The following WDR7 variants were observed in gnomAD, a reference collection of about 807,000 sequenced individuals.
WDR7 encodes WD repeat-containing protein 7.
Under a neutral mutation model 169.4 loss-of-function variants are expected in WDR7, and 46 were observed. The ratio of observed to expected loss-of-function variants is 0.27; its 90% confidence interval spans 0.21 to 0.35. WDR7 has a LOEUF of 0.35. Ranked by LOEUF, WDR7 falls within the 10% of genes least tolerant of loss-of-function variation. WDR7 has a pLI of 1.00. For missense variants in WDR7, 1,534 were observed against 1,859.3 expected (o/e 0.83, Z 3.22); for synonymous variants, 612 against 666.8 (o/e 0.92, Z 1.27).
intron 20 of WDR7, among the ~76,000 whole-genome samples, chr18:56,869,730 CTT>C (rs2045928590): frequency 1.3e-5 from 2 of 152,244 alleles, no homozygotes; most frequent in South Asian, 4.1e-4. Flanking sequence ...AACTTAAAAA[CTT>C]TATTTTATTT....
intron 14 of WDR7, among the ~76,000 whole-genome samples, chr18:56,732,511 A>C (rs949029999): frequency 1.3e-5 from 2 of 152,222 alleles, no homozygotes; most frequent in Non-Finnish European, 2.9e-5. Context: ...CTTGAAAATT[A>C]ACCATGAGTT....
At chr18:56,929,878 A>T (rs2046857199) in intron 22 of WDR7, among the ~76,000 whole-genome samples, 1 of 152,150 alleles carries the variant, frequency 6.6e-6, no homozygotes, top group Non-Finnish European at 1.5e-5. Context: ...GTACATATTG[A>T]TTGATAACAT....
At chr18:56,740,129 A>C (rs1323155296) in intron 14 of WDR7, among the ~76,000 whole-genome samples, 1 of 151,688 alleles carries the variant, frequency 6.6e-6, no homozygotes, top group Non-Finnish European at 1.5e-5. Context: ...TCTGTGTTTC[A>C]ATGTATATAT....
chr18:56,937,681 A>G (rs2046978489), intron 23 of WDR7, among the ~76,000 whole-genome samples: 2 of 152,198 alleles, frequency 1.3e-5, no homozygotes, highest in Admixed American at 1.3e-4. Flanking sequence ...ACTTAATTGT[A>G]AAGCACTTAG....
chr18:56,853,032 A>C (rs1281300409), intron 20 of WDR7, among the ~76,000 whole-genome samples: 1 of 152,190 alleles, frequency 6.6e-6, no homozygotes, highest in Non-Finnish European at 1.5e-5. Flanking sequence ...ATTGTTTAAG[A>C]GGAAATGAAG....
intron 19 of WDR7, among the ~76,000 whole-genome samples, chr18:56,810,113 C>G (rs981794448): frequency 3.9e-5 from 6 of 152,260 alleles, no homozygotes; most frequent in Middle Eastern, 3.4e-3. Context: ...ATTATTCCTT[C>G]TTTTGCAGAT....
intron 20 of WDR7, among the ~76,000 whole-genome samples, chr18:56,818,438 T>C (rs2045022904): frequency 6.6e-6 from 1 of 152,242 alleles, no homozygotes; most frequent in Non-Finnish European, 1.5e-5. Context: ...TTTTAATCTG[T>C]AAGTTTGGTT....
At chr18:56,681,429 T>A in intron 4 of WDR7, 38 bp downstream of exon 4, 1 of 1,248,120 alleles carries the variant, frequency 8.0e-7, no homozygotes, top group Non-Finnish European at 1.1e-6. Flanking sequence ...TACAAACTAT[T>A]ATAAGTATAT....
chr18:56,924,912 C>T (rs558223451), intron 22 of WDR7, among the ~76,000 whole-genome samples: 1 of 152,214 alleles, frequency 6.6e-6, no homozygotes, highest in East Asian at 1.9e-4. Context: ...GAATGGAAGC[C>T]CCATGCCCAT....
intron 26 of WDR7, among the ~76,000 whole-genome samples, chr18:57,008,654 G>A (rs578216140): frequency 1.3e-5 from 2 of 152,128 alleles, no homozygotes; most frequent in Non-Finnish European, 2.9e-5. Flanking sequence ...CCTTCTCTCT[G>A]TACCTTTTTC....
At chr18:56,993,134 C>T (rs1237789906) in intron 26 of WDR7, among the ~76,000 whole-genome samples, 1 of 152,046 alleles carries the variant, frequency 6.6e-6, no homozygotes, top group African/African-American at 2.4e-5. Context: ...AGGGAAGAAA[C>T]AAGGTACTTA....
chr18:56,877,143 A>G (rs2046034319), intron 20 of WDR7, among the ~76,000 whole-genome samples: 2 of 152,228 alleles, frequency 1.3e-5, no homozygotes, highest in South Asian at 2.1e-4. Flanking sequence ...TAAGGGATCC[A>G]TATCTGCTGA....
intron 20 of WDR7, among the ~76,000 whole-genome samples, chr18:56,869,003 G>A (rs890599984): frequency 1.3e-5 from 2 of 152,150 alleles, no homozygotes; most frequent in East Asian, 1.9e-4. Context: ...AGAGAATAAA[G>A]GGAAATATAA....
intron 26 of WDR7, among the ~76,000 whole-genome samples, chr18:57,010,836 T>C (rs1025142560): frequency 2.0e-5 from 3 of 152,186 alleles, no homozygotes; most frequent in Non-Finnish European, 4.4e-5. Flanking sequence ...GTCTAATTGA[T>C]GGAGAACTTT....
intron 26 of WDR7, among the ~76,000 whole-genome samples, chr18:57,019,887 A>G (rs1335538065): frequency 6.6e-6 from 1 of 152,240 alleles, no homozygotes; most frequent in Non-Finnish European, 1.5e-5. Context: ...CTTGTAAGCC[A>G]GATTGAATAT....
At chr18:56,838,772 T>C (rs980767951) in intron 20 of WDR7, among the ~76,000 whole-genome samples, 5 of 152,196 alleles carry the variant, frequency 3.3e-5, no homozygotes, top group Non-Finnish European at 7.4e-5. Flanking sequence ...GGATGTGAAT[T>C]GTTTTGCGTA....
At chr18:56,800,836 C>T (rs991689139) in intron 19 of WDR7, among the ~76,000 whole-genome samples, 4 of 152,114 alleles carry the variant, frequency 2.6e-5, no homozygotes, top group African/African-American at 4.8e-5. Context: ...CCCTGCCTTC[C>T]GTAGAATCAG....
intron 26 of WDR7, among the ~76,000 whole-genome samples, chr18:57,013,165 G>A (rs528916717): frequency 1.2e-4 from 18 of 152,200 alleles, no homozygotes; most frequent in African/African-American, 3.6e-4. Context: ...CATAAGGAGG[G>A]CACAACCTAG....
intron 18 of WDR7, among the ~76,000 whole-genome samples, chr18:56,780,116 A>G (rs1229599133): frequency 6.6e-6 from 1 of 152,214 alleles, no homozygotes; most frequent in Admixed American, 6.5e-5. Context: ...GGATCAAATC[A>G]GATGATGCAA....
Sources: gnomAD v4.1 joint callset for allele counts (sites outside exome capture counted in the v4.1 genomes callset) on GRCh38, gnomAD v4.1.1 for gene constraint, MANE v1.5 for transcripts, NCBI Gene and HGNC (gene_info 2026-07-23, HGNC 2026-07-21) for gene names.